PIK3R6: variants seen among roughly 807,000 people sequenced by gnomAD.
The protein encoded by PIK3R6 is phosphoinositide 3-kinase regulatory subunit 6.
In PIK3R6, 91 loss-of-function variants were observed where a neutral mutation model predicts 84.9. The ratio of observed to expected loss-of-function variants is 1.07; its 90% CI spans 0.90 to 1.28. The LOEUF (loss-of-function observed/expected upper bound fraction) is 1.28. Ranked by LOEUF, PIK3R6 falls within the 50% of genes most tolerant of loss-of-function variation. PIK3R6 has a pLI of 0.00. For synonymous variants in PIK3R6, 416 were observed against 411.4 expected, an observed-to-expected ratio of 1.01 and a Z score of -0.13; for missense variants, 996 against 985.1, an observed-to-expected ratio of 1.01 and a Z score of -0.15.
At chr17:8,837,723 G>T in intron 5 of PIK3R6, 80 bp downstream of exon 5, 2 of 1,245,894 alleles carry the variant, frequency 1.6e-6, no homozygotes, top group South Asian at 1.3e-5. Context: ...GGCGGAGACT[G>T]AGTGCCCACT....
chr17:8,865,596 C>T (rs186848707), intron 1 of PIK3R6, among the ~76,000 whole-genome samples: 13 of 151,180 alleles, frequency 8.6e-5, no homozygotes, highest in African/African-American at 2.9e-4. Flanking sequence ...GCTTGCCAGA[C>T]GTCATAGCTG....
chr17:8,825,758 CATTT>C, intron 13 of PIK3R6, among the ~76,000 whole-genome samples: 2 of 152,166 alleles, frequency 1.3e-5, no homozygotes, highest in Admixed American at 1.3e-4. Context: ...TATCAGTGAA[CATTT>C]ATTTAAGCTT....
In PIK3R6 at chr17:8,849,840, A is replaced by C; in HGVS notation, c.-46T>G. The C allele has an allele frequency of 6.2e-7, 1 of 1,605,180 alleles. No individual in the cohort carries two copies. Among genetic ancestry groups the C allele is most frequent in the Non-Finnish European group, 8.5e-7 (1 of 1,175,720 alleles). On this transcript the variant is annotated 5_prime_UTR_variant, in exon 2 of 20. Transcript: ENST00000619866. ...GGAGGAGGATGTGGTTGTCTCGGGC[A>C]GCAGAATAGAGAACAAGGTGGTTGC...
chr17:8,814,281 G>C (rs889575572), intron 18 of PIK3R6, among the ~76,000 whole-genome samples: 3 of 140,014 alleles, frequency 2.1e-5, no homozygotes, highest in Non-Finnish European at 4.5e-5. Context: ...GTGCAATGGC[G>C]TGATCTCGGC....
chr17:8,829,346 AGACACACT>A (rs1480942829), intron 10 of PIK3R6, among the ~76,000 whole-genome samples: 1 of 141,302 alleles, frequency 7.1e-6, no homozygotes, highest in Non-Finnish European at 1.6e-5. Context: ...AAGCACACAC[AGACACACT>A]GACACACACA....
rs1458288285 is a variant in PIK3R6, at chr17:8,862,916, A to G, written c.-92+4613T>C. ...CCCACTCACTTACACTGCCCACAGC[A>G]TTCACTCATGGTTTCACTTATTCCA... On this transcript the variant is annotated intron_variant, in intron 1 of 19. Coordinates refer to ENST00000619866, the MANE Select transcript of PIK3R6 (RefSeq NM_001010855.4). The surrounding 1 kb of genome is among the most constrained non-coding windows in gnomAD (Gnocchi z 4.3). 1.3e-5 allele frequency among the ~76,000 whole-genome samples: 2 copies of G among 152,204 alleles called. No homozygotes were observed. Among genetic ancestry groups the G allele is most frequent in the Non-Finnish European group, 2.9e-5 (2 of 68,034 alleles).
chr17:8,819,236 G>A, intron 17 of PIK3R6, 38 bp from the exon 18 acceptor site: 4 of 1,435,914 alleles, frequency 2.8e-6, no homozygotes, highest in South Asian at 1.3e-5. Flanking sequence ...GGACCTCCAG[G>A]GAAGTAGGGG....
chr17:8,823,244 A>G (rs1436506033), intron 14 of PIK3R6, 143 bp downstream of exon 14: 16 of 799,588 alleles, frequency 2.0e-5, no homozygotes, highest in Non-Finnish European at 3.3e-5. Context: ...TGATTCATTT[A>G]GAGATGAAGA....
chr17:8,824,184 G>T (rs755054014), intron 13 of PIK3R6, among the ~76,000 whole-genome samples: 1 of 152,230 alleles, frequency 6.6e-6, no homozygotes, highest in African/African-American at 2.4e-5. Context: ...CAGGAGAATC[G>T]TTTGAATCCA....
Position 8,832,920 on chromosome 17 carries a change from C to A in PIK3R6, c.771G>T (p.Ser257=), listed in dbSNP as rs182391516. The change falls in exon 9 of 20, where the codon TCG becomes TCT. Residue 257 remains serine, a synonymous_variant. Coordinates refer to ENST00000619866, the MANE Select transcript of PIK3R6 (RefSeq NM_001010855.4). ...HVERLEEIYC[S]LLGPAAGRCG... ...AGCGCCCCGCCGCGGGACCCAGCAGCGAGCAGTAAATCTCCTCCAGCCTCT... is the reference window on the plus strand; with the variant it reads ...AGCGCCCCGCCGCGGGACCCAGCAGAGAGCAGTAAATCTCCTCCAGCCTCT... 6.2e-6 allele frequency: 10 copies of A among 1,612,890 alleles called. 1 individual carries two copies. Among genetic ancestry groups the A allele is most frequent in the East Asian group, 4.5e-5 (2 of 44,866 alleles).
intron 1 of PIK3R6, among the ~76,000 whole-genome samples, chr17:8,858,372 A>G (rs1472470385): frequency 1.5e-5 from 2 of 130,698 alleles, no homozygotes; most frequent in Non-Finnish European, 3.1e-5. Flanking sequence ...GCTGGAGTGC[A>G]GTGACGCGAT....
Position 8,862,842 on chromosome 17 carries a change from A to T in PIK3R6, c.-92+4687T>A, listed in dbSNP as rs1438636320. 6.6e-6 allele frequency among the ~76,000 whole-genome samples: 1 copy of T among 152,038 alleles called. No homozygotes were observed. The highest frequency in any genetic ancestry group is 1.5e-5 in the Non-Finnish European group (1 of 67,996). ...GCAGCGGGAAAGTGGCTGAGGGACAAATCCCAACAACCTGGGAGATGTCCT... is the reference window on the plus strand; with the variant it reads ...GCAGCGGGAAAGTGGCTGAGGGACATATCCCAACAACCTGGGAGATGTCCT... On this transcript the variant is annotated intron_variant, in intron 1 of 19. Transcript: ENST00000619866. The surrounding 1 kb of genome is among the most constrained non-coding windows in gnomAD (Gnocchi z 4.3).
chr17:8,821,708 G>T, intron 17 of PIK3R6, 138 bp downstream of exon 17: 1 of 907,632 alleles, frequency 1.1e-6, no homozygotes, highest in Non-Finnish European at 1.7e-6. Context: ...GCAACTTGAA[G>T]GCAGTCACCA....
intron 9 of PIK3R6, among the ~76,000 whole-genome samples, chr17:8,831,255 A>G (rs1419645357): frequency 7.1e-6 from 1 of 140,948 alleles, no homozygotes; most frequent in East Asian, 2.2e-4. Context: ...GCTTAAGCCC[A>G]GGAGGTCAAG....
chr17:8,811,749 T>C lies in PIK3R6; in HGVS notation c.1995+7334A>G, dbSNP rs970102658. ...ACCTTAGCCTGGACTTTATTGTCCATATCGCTATCAACATTTTGGGCAAAA... is the reference window on the plus strand; with the variant it reads ...ACCTTAGCCTGGACTTTATTGTCCACATCGCTATCAACATTTTGGGCAAAA... On this transcript the variant is annotated intron_variant, in intron 18 of 19. Transcript: ENST00000619866. 5.1e-4 allele frequency among the ~76,000 whole-genome samples: 75 copies of C among 148,312 alleles called. 3 individuals carry two copies. Among genetic ancestry groups the C allele is most frequent in the Non-Finnish European group, 1.8e-4 (12 of 67,948 alleles).
intron 18 of PIK3R6, among the ~76,000 whole-genome samples, chr17:8,813,773 C>A (rs1383609914): frequency 1.3e-5 from 2 of 152,216 alleles, no homozygotes; most frequent in Middle Eastern, 3.4e-3. Context: ...TAATAAAAGC[C>A]ATATATGACA....
rs143892420 is a variant in PIK3R6 at position 8,826,327 on chromosome 17, C to T, written c.1515+845G>A. 3.9e-5 allele frequency among the ~76,000 whole-genome samples: 6 copies of T among 152,284 alleles called. No homozygotes were observed. The East Asian group carries it at 9.6e-4, about 24-fold the overall frequency. On this transcript the variant is annotated intron_variant, in intron 13 of 19. Coordinates refer to ENST00000619866, the MANE Select transcript of PIK3R6 (RefSeq NM_001010855.4). ...ATTCCACTATAAAGACACATGCACA[C>T]GTATGTTTATTGTGGCACTATTTAC...
chr17:8,856,526 C>A (rs1230707028), intron 1 of PIK3R6, among the ~76,000 whole-genome samples: 1 of 152,194 alleles, frequency 6.6e-6, no homozygotes, highest in East Asian at 1.9e-4. Context: ...CGCTTGAACC[C>A]AGGAGATGGA....
chr17:8,821,975 G>A lies in PIK3R6; in HGVS notation c.1789-39C>T, dbSNP rs764418047. Reference sequence around the variant, plus strand: ...TCGAGGAACAGGTGGAGGTGCTCAGGACATACCCTTTCCCCATGCATCCCC... The same window carrying A: ...TCGAGGAACAGGTGGAGGTGCTCAGAACATACCCTTTCCCCATGCATCCCC... On this transcript the variant is annotated intron_variant, in intron 16 of 19. Transcript: ENST00000619866. 3 of 1,486,844 alleles carry A rather than the reference G, an allele frequency of 2.0e-6. No homozygotes were observed. In the African/African-American group the frequency reaches 4.2e-5, roughly 21 times the overall value. The allele number at this position is 1,486,844 out of a possible 1,614,324, so 92.1% of individuals were successfully genotyped here.
Sources: allele counts gnomAD v4.1 joint callset (sites outside exome capture counted in the v4.1 genomes callset), GRCh38; gene constraint gnomAD v4.1.1; non-coding constraint Gnocchi (gnomAD v3.1); transcripts MANE v1.5; gene names NCBI Gene and HGNC (gene_info 2026-07-23, HGNC 2026-07-21).